The following FSTL5 variants were observed in gnomAD, a reference collection of about 807,000 sequenced individuals.
FSTL5 encodes the protein follistatin-related protein 5.
In FSTL5, 62 loss-of-function variants were observed where a neutral mutation model predicts 89.1. That is an observed-to-expected ratio of 0.70 (90% CI 0.57 to 0.86). FSTL5 has a LOEUF of 0.86. FSTL5 is among the 40% of genes least tolerant of loss of function. The probability of loss-of-function intolerance (pLI) is 0.00; values close to 1 mark genes in which losing one functional copy is unlikely to be tolerated. For missense variants in FSTL5, 1,057 were observed against 1,001.6 expected (o/e 1.06, Z -0.75); for synonymous variants, 383 against 346.2 (o/e 1.11, Z -1.18).
intron 3 of FSTL5, among the ~76,000 whole-genome samples, chr4:162,020,676 A>G (rs1737051324): frequency 6.6e-6 from 1 of 152,086 alleles, no homozygotes; most frequent in Admixed American, 6.6e-5. Flanking sequence ...ATCACATGGC[A>G]TAATTATTTG....
At chr4:161,703,992 T>C (rs542607156) in intron 6 of FSTL5, among the ~76,000 whole-genome samples, 2 of 152,276 alleles carry the variant, frequency 1.3e-5, no homozygotes, top group African/African-American at 4.8e-5. Flanking sequence ...TACATATTAC[T>C]TATTAACAAC....
At chr4:161,450,061 C>G (rs1036869848) in intron 15 of FSTL5, among the ~76,000 whole-genome samples, 1 of 152,024 alleles carries the variant, frequency 6.6e-6, no homozygotes, top group African/African-American at 2.4e-5. Context: ...ACTTTCATCC[C>G]CCTTCTGCCC....
At chr4:161,755,941 T>C (rs13139982) in intron 6 of FSTL5, among the ~76,000 whole-genome samples, 30,416 of 151,970 alleles carry the variant, frequency 0.2, 3,096 homozygotes, top group Middle Eastern at 0.32. Flanking sequence ...GGTAATTTTA[T>C]GGAGAGAGAT....
At chr4:161,579,696 G>A (rs983255174) in intron 8 of FSTL5, among the ~76,000 whole-genome samples, 10 of 141,188 alleles carry the variant, frequency 7.1e-5, no homozygotes, top group Non-Finnish European at 6.0e-5. Flanking sequence ...CAGCCTGGGC[G>A]ATGGCGCAAG....
At chr4:161,595,321 C>G (rs1733973417) in intron 7 of FSTL5, among the ~76,000 whole-genome samples, 1 of 128,896 alleles carries the variant, frequency 7.8e-6, no homozygotes, top group Non-Finnish European at 1.6e-5. Flanking sequence ...GGGACAAAAT[C>G]TTGCACTTGT....
At chr4:161,512,816 T>G (rs1300133428) in intron 10 of FSTL5, among the ~76,000 whole-genome samples, 2 of 152,234 alleles carry the variant, frequency 1.3e-5, no homozygotes, top group African/African-American at 4.8e-5. Context: ...ATCCACAATC[T>G]CGGTCTGTTT....
chr4:161,743,571 T>C (rs1439421084), intron 6 of FSTL5, among the ~76,000 whole-genome samples: 1 of 152,116 alleles, frequency 6.6e-6, no homozygotes, highest in Non-Finnish European at 1.5e-5. Context: ...TTTTTTTTTC[T>C]ATTTCTGAAA....
At chr4:161,740,681 C>T (rs1489560677) in intron 6 of FSTL5, among the ~76,000 whole-genome samples, 1 of 151,256 alleles carries the variant, frequency 6.6e-6, no homozygotes, top group Admixed American at 6.6e-5. Context: ...TTAAGTTTTA[C>T]ACTTATAAAT....
chr4:161,871,687 C>T (rs1029887563), intron 4 of FSTL5, among the ~76,000 whole-genome samples: 5 of 152,174 alleles, frequency 3.3e-5, no homozygotes, highest in African/African-American at 1.2e-4. Context: ...ATTTGACCAT[C>T]TGCAGACAGA....
At chr4:161,870,999 C>A (rs1304818063) in intron 4 of FSTL5, among the ~76,000 whole-genome samples, 4 of 152,158 alleles carry the variant, frequency 2.6e-5, no homozygotes, top group Admixed American at 2.6e-4. Flanking sequence ...ATAGCCACTT[C>A]TTTGAAAACC....
chr4:161,705,872 A>G (rs1403087408), intron 6 of FSTL5, among the ~76,000 whole-genome samples: 1 of 145,868 alleles, frequency 6.9e-6, no homozygotes, highest in African/African-American at 2.5e-5. Context: ...ACTGCATGCC[A>G]ATGCACTCCA....
In FSTL5 at chr4:162,042,998, A is replaced by T. The variant is rs530186050; in HGVS notation, c.127-9340T>A. On this transcript the variant is annotated intron_variant, in intron 2 of 15. Coordinates refer to ENST00000306100, the MANE Select transcript of FSTL5 (RefSeq NM_020116.5). Reference sequence around the variant, plus strand: ...CATTGGGAGATATACCTAATGCTAGATGACGAGTTAGTGGGTGCAGCGCAC... The same window carrying T: ...CATTGGGAGATATACCTAATGCTAGTTGACGAGTTAGTGGGTGCAGCGCAC... Among the ~76,000 whole-genome samples, 82 of 151,010 alleles carry T rather than the reference A, an allele frequency of 5.4e-4. 1 individual carries two copies. Among genetic ancestry groups the T allele is most frequent in the African/African-American group, 1.9e-3 (79 of 41,318 alleles).
intron 3 of FSTL5, among the ~76,000 whole-genome samples, chr4:161,941,059 A>C (rs1424715215): frequency 5.9e-5 from 9 of 151,866 alleles, no homozygotes. Context: ...GTTTTGGTAT[A>C]CTATTAAGGC....
At chr4:162,011,768 A>T (rs886758602) in intron 3 of FSTL5, among the ~76,000 whole-genome samples, 15 of 152,158 alleles carry the variant, frequency 9.9e-5, no homozygotes, top group Admixed American at 7.9e-4. Context: ...AAGTGCTGGG[A>T]TTACAGATGT....
chr4:161,463,029 C>T (rs551891793), intron 13 of FSTL5, among the ~76,000 whole-genome samples: 54 of 151,830 alleles, frequency 3.6e-4, no homozygotes, highest in African/African-American at 1.1e-3. Flanking sequence ...CCTTAAAGAA[C>T]GAATATTTTT....
intron 4 of FSTL5, among the ~76,000 whole-genome samples, chr4:161,815,727 G>T (rs764749206): frequency 6.6e-6 from 1 of 152,042 alleles, no homozygotes; most frequent in Non-Finnish European, 1.5e-5. Context: ...TTACTAAAAG[G>T]TAGATACAGT....
At chr4:161,976,950 C>T (rs575539032) in intron 3 of FSTL5, among the ~76,000 whole-genome samples, 3 of 152,254 alleles carry the variant, frequency 2.0e-5, no homozygotes, top group South Asian at 2.1e-4. Flanking sequence ...TGGAACTGCA[C>T]GGCATCTTTT....
intron 6 of FSTL5, among the ~76,000 whole-genome samples, chr4:161,709,691 G>A (rs1250360738): frequency 3.9e-5 from 6 of 152,254 alleles, no homozygotes; most frequent in African/African-American, 1.4e-4. Context: ...AGCTACTCAG[G>A]AGAGTGAAGT....
intron 6 of FSTL5, among the ~76,000 whole-genome samples, chr4:161,705,952 GTATATATATA>G (rs1206067350): frequency 1.2e-3 from 37 of 30,672 alleles, no homozygotes; most frequent in African/African-American, 5.0e-3. Flanking sequence ...GTAGATGTGT[GTATATATATA>G]TATATATATA....
Sources: gnomAD v4.1 joint callset for allele counts (sites outside exome capture counted in the v4.1 genomes callset) on GRCh38, gnomAD v4.1.1 for gene constraint, MANE v1.5 for transcripts, NCBI Gene and HGNC (gene_info 2026-07-23, HGNC 2026-07-21) for gene names.